Variants in RNF130 observed in about 807,000 individuals in gnomAD.
RNF130 encodes the protein E3 ubiquitin-protein ligase RNF130.
In RNF130, 21 loss-of-function variants were observed where a neutral mutation model predicts 44.6. The ratio of observed to expected loss-of-function variants is 0.47; its 90% confidence interval spans 0.33 to 0.68. The LOEUF (loss-of-function observed/expected upper bound fraction) is 0.68, where lower values mean the gene tolerates loss of function less well. Among genes scored for constraint, RNF130 ranks in the 30% least tolerant of loss-of-function variants. The probability of loss-of-function intolerance (pLI) is 0.02; values close to 1 mark genes in which losing one functional copy is unlikely to be tolerated. For synonymous variants in RNF130, 214 were observed against 210.4 expected (o/e 1.02, Z -0.15); for missense variants, 479 against 560.6 (o/e 0.85, Z 1.47).
chr5:180,039,557 C>T (rs751244808), intron 2 of RNF130, among the ~76,000 whole-genome samples: 2 of 152,142 alleles, frequency 1.3e-5, no homozygotes, highest in Non-Finnish European at 2.9e-5. Flanking sequence ...TCAGAGGGCA[C>T]TAAAGTTGAA....
chr5:179,978,194 T>C lies in RNF130; in HGVS notation c.848+9A>G. On this transcript the variant is annotated intron_variant, in intron 5 of 8. Coordinates refer to ENST00000521389, the MANE Select transcript of RNF130 (RefSeq NM_018434.6). ...ATCATTCTTTCTCAAACAAATGAAGTTGACATACTTGCAGGGGAGAATTCG... is the reference window on the plus strand; with the variant it reads ...ATCATTCTTTCTCAAACAAATGAAGCTGACATACTTGCAGGGGAGAATTCG... 2 of 1,601,828 alleles carry C rather than the reference T, an allele frequency of 1.2e-6. No individual in the cohort carries two copies. Among genetic ancestry groups the C allele is most frequent in the African/African-American group, 1.3e-5 (1 of 74,784 alleles).
intron 3 of RNF130, among the ~76,000 whole-genome samples, chr5:179,989,220 A>G (rs1051880231): frequency 1.8e-4 from 27 of 152,316 alleles, no homozygotes; most frequent in Middle Eastern, 3.4e-3. Context: ...CGAGAACAAC[A>G]TGGAGTTAAC....
chr5:179,946,347 C>T (rs1384905173), intron 7 of RNF130, among the ~76,000 whole-genome samples: 4 of 152,198 alleles, frequency 2.6e-5, no homozygotes, highest in South Asian at 4.1e-4. Context: ...CCGCGTCAGG[C>T]CCCCCTCCTG....
At chr5:179,931,017 ACCAAACCT>A in intron 7 of RNF130, among the ~76,000 whole-genome samples, 1 of 142,486 alleles carries the variant, frequency 7.0e-6, no homozygotes, top group Non-Finnish European at 1.5e-5. Context: ...TGGGCTGCAG[ACCAAACCT>A]CTGTCTCAAA....
intron 7 of RNF130, among the ~76,000 whole-genome samples, chr5:179,948,189 A>G (rs1762071714): frequency 6.6e-6 from 1 of 152,182 alleles, no homozygotes; most frequent in African/African-American, 2.4e-5. Context: ...AAAACCAACT[A>G]TATCTTCTCT....
chr5:179,919,694 TG>T (rs1761600288), exon 8 of RNF130: 1 of 152,470 alleles, frequency 6.6e-6, no homozygotes, highest in Non-Finnish European at 1.5e-5. Flanking sequence ...GACGGCTGCC[TG>T]GCCCCGCACA....
intron 2 of RNF130, among the ~76,000 whole-genome samples, chr5:180,029,909 C>A (rs1764089152): frequency 6.6e-6 from 1 of 150,648 alleles, no homozygotes; most frequent in African/African-American, 2.4e-5. Flanking sequence ...AGCGCAGTGG[C>A]ACAATCTCAG....
chr5:179,952,955 C>T (rs945131858), downstream of RNF130, among the ~76,000 whole-genome samples: 3 of 151,848 alleles, frequency 2.0e-5, no homozygotes, highest in African/African-American at 7.3e-5. Context: ...CTGTTTGCAC[C>T]ATTTCTATTC....
intron 2 of RNF130, among the ~76,000 whole-genome samples, chr5:180,028,597 G>A (rs1228987412): frequency 6.6e-6 from 1 of 152,070 alleles, no homozygotes; most frequent in East Asian, 1.9e-4. Context: ...AGCTGATCCC[G>A]CTACGTAGGT....
intron 3 of RNF130, among the ~76,000 whole-genome samples, chr5:179,999,459 C>CG (rs1338360474): frequency 6.6e-6 from 1 of 152,062 alleles, no homozygotes; most frequent in Non-Finnish European, 1.5e-5. Flanking sequence ...TGGTGGCTTA[C>CG]GCCTGTAATC....
chr5:180,007,787 C>G (rs1038494459), intron 3 of RNF130, among the ~76,000 whole-genome samples: 1 of 152,136 alleles, frequency 6.6e-6, no homozygotes, highest in Non-Finnish European at 1.5e-5. Context: ...CCCGGCCCCA[C>G]ACTGGGTGCT....
chr5:180,059,249 G>A (rs370937819), intron 1 of RNF130, among the ~76,000 whole-genome samples: 15 of 152,210 alleles, frequency 9.9e-5, no homozygotes, highest in South Asian at 4.1e-4. Flanking sequence ...TCATGCTGCC[G>A]TCTCAGCTGA....
chr5:180,045,972 C>A (rs985814710), intron 1 of RNF130, among the ~76,000 whole-genome samples: 1 of 152,216 alleles, frequency 6.6e-6, no homozygotes, highest in African/African-American at 2.4e-5. Context: ...AGCCCCTGGG[C>A]GGTGGATGGG....
At chr5:179,929,931 G>A (rs554544310) in intron 7 of RNF130, among the ~76,000 whole-genome samples, 27 of 152,154 alleles carry the variant, frequency 1.8e-4, no homozygotes, top group Non-Finnish European at 3.4e-4. Context: ...AATTTCTCTC[G>A]ATAACACATA....
chr5:179,920,026 T>C (rs1055142299), exon 8 of RNF130: 4 of 357,928 alleles, frequency 1.1e-5, no homozygotes, highest in Non-Finnish European at 2.1e-5. Context: ...AATGCAACAT[T>C]AATCCTGGGC....
chr5:179,996,237 CTTGAT>C (rs1234294893), intron 3 of RNF130, among the ~76,000 whole-genome samples: 2 of 152,094 alleles, frequency 1.3e-5, no homozygotes, highest in Non-Finnish European at 2.9e-5. Flanking sequence ...AGATGGACTT[CTTGAT>C]TTATTTTTCA....
At chr5:179,936,870 T>A (rs1456576588) in intron 7 of RNF130, among the ~76,000 whole-genome samples, 1 of 152,182 alleles carries the variant, frequency 6.6e-6, no homozygotes, top group Non-Finnish European at 1.5e-5. Flanking sequence ...GAACAGTCTC[T>A]TCAAGAAATG....
chr5:180,022,740 A>C (rs1006704525), intron 2 of RNF130, among the ~76,000 whole-genome samples: 1 of 152,244 alleles, frequency 6.6e-6, no homozygotes, highest in Non-Finnish European at 1.5e-5. Flanking sequence ...AGTTTTAAAC[A>C]ACCCATTTGC....
chr5:180,011,379 G>C (rs567555685), intron 3 of RNF130, among the ~76,000 whole-genome samples: 16 of 152,352 alleles, frequency 1.1e-4, no homozygotes, highest in African/African-American at 3.8e-4. Flanking sequence ...GGTTATGTAA[G>C]AGAATGTTCT....
Sources: allele counts gnomAD v4.1 joint callset (sites outside exome capture counted in the v4.1 genomes callset), GRCh38; gene constraint gnomAD v4.1.1; transcripts MANE v1.5; gene names NCBI Gene and HGNC (gene_info 2026-07-23, HGNC 2026-07-21).